DLC1: variants seen among roughly 807,000 people sequenced by gnomAD.
The protein encoded by DLC1 is DLC1 Rho GTPase activating protein, also known as rho GTPase-activating protein 7.
DLC1 carries 54 observed loss-of-function variants against 140.3 expected under a neutral mutation model. The ratio of observed to expected loss-of-function variants is 0.38; its 90% CI spans 0.31 to 0.48. DLC1 has a LOEUF of 0.48. DLC1 is among the 20% of genes least tolerant of loss of function. The pLI is 0.96. For synonymous variants in DLC1, 986 were observed against 728.1 expected, an observed-to-expected ratio of 1.35 and a Z score of -5.70; for missense variants, 2,536 against 1,907.0, an observed-to-expected ratio of 1.33 and a Z score of -6.14.
intron 5 of DLC1, among the ~76,000 whole-genome samples, chr8:13,151,086 T>C (rs541103076): frequency 5.3e-5 from 8 of 152,282 alleles, no homozygotes; most frequent in East Asian, 1.9e-4. Flanking sequence ...TCTGGGGAAG[T>C]TGAATTACAA....
chr8:13,596,931 C>A (rs1428376628), intron 1 of DLC1, among the ~76,000 whole-genome samples: 1 of 151,728 alleles, frequency 6.6e-6, no homozygotes, highest in Admixed American at 6.6e-5. Flanking sequence ...GATCAGAATG[C>A]TTTCAGAACT....
At chr8:13,451,037 C>G (rs1199674551) in intron 2 of DLC1, among the ~76,000 whole-genome samples, 1 of 18,380 alleles carries the variant, frequency 5.4e-5, no homozygotes, top group Non-Finnish European at 1.4e-4. Context: ...GACTCCGTCT[C>G]AAAAAAAAAA....
chr8:13,477,590 G>T (rs1800491967), intron 2 of DLC1, among the ~76,000 whole-genome samples: 1 of 152,174 alleles, frequency 6.6e-6, no homozygotes, highest in Non-Finnish European at 1.5e-5. Flanking sequence ...ATCTGGTGAT[G>T]ATGCTTTCTT....
chr8:13,597,310 A>G (rs915430722), intron 1 of DLC1, among the ~76,000 whole-genome samples: 9 of 152,092 alleles, frequency 5.9e-5, no homozygotes, highest in Admixed American at 6.6e-5. Flanking sequence ...ATGACAGAAG[A>G]CGTGATTAGG....
chr8:13,403,929 G>T (rs1258988516), intron 2 of DLC1, among the ~76,000 whole-genome samples: 1 of 151,510 alleles, frequency 6.6e-6, no homozygotes, highest in Non-Finnish European at 1.5e-5. Context: ...AAAGTGCTGG[G>T]ATTACAGGTT....
upstream of DLC1, among the ~76,000 whole-genome samples, chr8:13,518,026 T>C (rs1162318488): frequency 6.6e-6 from 1 of 152,188 alleles, no homozygotes; most frequent in African/African-American, 2.4e-5. Context: ...GTTATAGTGG[T>C]GGAACAATTA....
At chr8:13,190,301 T>A (rs562516266) in intron 5 of DLC1, among the ~76,000 whole-genome samples, 1 of 152,052 alleles carries the variant, frequency 6.6e-6, no homozygotes. Flanking sequence ...TTTGGAGATA[T>A]CTATGGGGTG....
chr8:13,526,114 T>C (rs1345690916), intron 1 of DLC1, among the ~76,000 whole-genome samples: 2 of 152,220 alleles, frequency 1.3e-5, no homozygotes, highest in African/African-American at 4.8e-5. Context: ...TTAACAAAAA[T>C]CAATTGACCA....
chr8:13,335,800 C>T (rs73564682), intron 4 of DLC1, among the ~76,000 whole-genome samples: 1,589 of 152,026 alleles, frequency 0.01, 28 homozygotes, highest in African/African-American at 0.036. Context: ...ATAAAGTCTG[C>T]GATGATTCTC....
At chr8:13,159,121 A>G (rs1320158129) in intron 5 of DLC1, among the ~76,000 whole-genome samples, 1 of 152,060 alleles carries the variant, frequency 6.6e-6, no homozygotes, top group African/African-American at 2.4e-5. Context: ...TTTGTTATCT[A>G]CCCACGTGGG....
intron 5 of DLC1, among the ~76,000 whole-genome samples, chr8:13,231,959 C>A (rs1829066533): frequency 6.6e-6 from 1 of 152,126 alleles, no homozygotes; most frequent in South Asian, 2.1e-4. Flanking sequence ...TTGCTGAAAT[C>A]CCTGTTTACC....
chr8:13,152,013 T>C (rs932141054), intron 5 of DLC1, among the ~76,000 whole-genome samples: 1 of 152,246 alleles, frequency 6.6e-6, no homozygotes, highest in African/African-American at 2.4e-5. Context: ...TATTGCTGTG[T>C]CATATTATGG....
At chr8:13,305,769 T>A (rs566273172) in intron 4 of DLC1, among the ~76,000 whole-genome samples, 3 of 152,022 alleles carry the variant, frequency 2.0e-5, no homozygotes, top group Admixed American at 2.0e-4. Flanking sequence ...CCCAGGGAGA[T>A]CAAAGCTGCA....
intron 2 of DLC1, among the ~76,000 whole-genome samples, chr8:13,466,456 C>G (rs535252911): frequency 1.3e-5 from 2 of 152,310 alleles, no homozygotes; most frequent in East Asian, 3.9e-4. Context: ...GAGTCGCTAT[C>G]TTGGTAGAAA....
At chr8:13,467,467 T>C (rs1259531146) in intron 2 of DLC1, among the ~76,000 whole-genome samples, 1 of 152,104 alleles carries the variant, frequency 6.6e-6, no homozygotes, top group Non-Finnish European at 1.5e-5. Context: ...TTTTTTCTTT[T>C]TAATGGATGT....
intron 5 of DLC1, among the ~76,000 whole-genome samples, chr8:13,256,587 G>A (rs1830238247): frequency 6.6e-6 from 1 of 152,102 alleles, no homozygotes; most frequent in Admixed American, 6.5e-5. Flanking sequence ...CATGAATGAA[G>A]CTGGAAACCA....
intron 5 of DLC1, among the ~76,000 whole-genome samples, chr8:13,249,109 T>G (rs1012830619): frequency 6.6e-6 from 1 of 152,188 alleles, no homozygotes; most frequent in African/African-American, 2.4e-5. Context: ...AAAGTCTCGC[T>G]CTTGTTGCCC....
intron 2 of DLC1, among the ~76,000 whole-genome samples, chr8:13,432,022 C>T (rs1838901796): frequency 6.6e-6 from 1 of 152,170 alleles, no homozygotes. Context: ...TGGTTTTCTG[C>T]TTCTCTATCA....
At chr8:13,185,297 T>C (rs1826296740) in intron 5 of DLC1, among the ~76,000 whole-genome samples, 1 of 145,540 alleles carries the variant, frequency 6.9e-6, no homozygotes, top group African/African-American at 2.5e-5. Flanking sequence ...TTTTTGTTTG[T>C]TTGTTTGTTT....
Sources: allele counts gnomAD v4.1 joint callset (sites outside exome capture counted in the v4.1 genomes callset), GRCh38; gene constraint gnomAD v4.1.1; transcripts MANE v1.5; gene names NCBI Gene and HGNC (gene_info 2026-07-23, HGNC 2026-07-21).